The following EXPH5 variants were observed in gnomAD, a reference collection of about 807,000 sequenced individuals.
The protein encoded by EXPH5 is exophilin 5, also known as exophilin-5.
In EXPH5, 42 loss-of-function variants were observed where a neutral mutation model predicts 41.1. That is an observed-to-expected ratio of 1.02 (90% CI 0.80 to 1.32). The LOEUF is 1.32. Among genes scored for constraint, EXPH5 ranks in the 40% most tolerant of loss-of-function variants. The pLI, the probability that EXPH5 is intolerant of heterozygous loss-of-function variation, is 0.00. For synonymous variants in EXPH5, 798 were observed against 833.5 expected (o/e 0.96, Z 0.73); for missense variants, 2,298 against 2,314.5 (o/e 0.99, Z 0.15).
At chr11:108,582,400 A>C (rs1185141383) in intron 1 of EXPH5, among the ~76,000 whole-genome samples, 1 of 151,976 alleles carries the variant, frequency 6.6e-6, no homozygotes, top group Non-Finnish European at 1.5e-5. Flanking sequence ...TGGAAGGCAG[A>C]GGTTGCAGTG....
Position 108,511,940 on chromosome 11 carries a change from A to G in EXPH5, c.3567T>C (p.Thr1189=), listed in dbSNP as rs559634107. The G allele has an allele frequency of 6.2e-7, 1 of 1,600,668 alleles. No individual in the cohort carries two copies. The highest frequency in any genetic ancestry group is 1.4e-5 in the African/African-American group (1 of 73,998). The change falls in exon 6 of 6, where the codon ACT becomes ACC. Residue 1189 remains threonine, a synonymous_variant. Coordinates refer to ENST00000265843, the MANE Select transcript of EXPH5 (RefSeq NM_015065.3). ...QHQKENFQEY[T]EKEGKMAASR... ...AGGCAGCCATTTTACCCTCTTTCTC[A>G]GTGTATTCTTGGAAGTTTTCCTTTT...
intron 1 of EXPH5, among the ~76,000 whole-genome samples, chr11:108,589,506 C>G (rs1408327113): frequency 6.6e-6 from 1 of 152,184 alleles, no homozygotes; most frequent in South Asian, 2.1e-4. Context: ...CTGGAAAACC[C>G]TCCTGGGCTG....
intron 2 of EXPH5, among the ~76,000 whole-genome samples, chr11:108,540,206 C>T (rs896475387): frequency 6.6e-6 from 1 of 152,014 alleles, no homozygotes; most frequent in Non-Finnish European, 1.5e-5. Context: ...GCCTGTAATC[C>T]CAGCTACTCA....
At chr11:108,554,063 CTTTTT>C (rs34487456) in intron 1 of EXPH5, among the ~76,000 whole-genome samples, 1 of 139,142 alleles carries the variant, frequency 7.2e-6, no homozygotes, top group Non-Finnish European at 1.6e-5. Context: ...GGCCCCTGAC[CTTTTT>C]TTTTTTTTTT....
intron 1 of EXPH5, among the ~76,000 whole-genome samples, chr11:108,573,268 G>T (rs538107245): frequency 6.6e-6 from 1 of 152,228 alleles, no homozygotes; most frequent in East Asian, 1.9e-4. Context: ...GAGGGAGAAA[G>T]AAAAGGAGTC....
intron 1 of EXPH5, among the ~76,000 whole-genome samples, chr11:108,576,521 T>G (rs2094080193): frequency 6.6e-6 from 1 of 152,196 alleles, no homozygotes; most frequent in Non-Finnish European, 1.5e-5. Flanking sequence ...TTGTTAGCTT[T>G]AAAGTGGATA....
intron 1 of EXPH5, among the ~76,000 whole-genome samples, chr11:108,550,142 G>A (rs936088340): frequency 6.6e-6 from 1 of 152,226 alleles, no homozygotes; most frequent in Non-Finnish European, 1.5e-5. Context: ...CACTTGCTAA[G>A]ACCAATAGAA....
intron 4 of EXPH5, among the ~76,000 whole-genome samples, chr11:108,523,461 A>T (rs1333834508): frequency 6.6e-6 from 1 of 152,096 alleles, no homozygotes; most frequent in Non-Finnish European, 1.5e-5. Context: ...CTTCAGTTAG[A>T]TGGTAAACTC....
rs759572373 is a variant in EXPH5 at position 108,509,491 on chromosome 11, T to C, written c.*46A>G. ...CATGCACATGTACACCTTAGTTCCA[T>C]TATAAGCTTTTGGTGAAAAAAGTAA... On this transcript the variant is annotated 3_prime_UTR_variant, in exon 6 of 6. Coordinates refer to ENST00000265843, the MANE Select transcript of EXPH5 (RefSeq NM_015065.3). 65 of 1,507,060 alleles carry C rather than the reference T, an allele frequency of 4.3e-5. No homozygotes were observed. The highest frequency in any genetic ancestry group is 5.2e-5 in the Non-Finnish European group (59 of 1,126,094). The allele number at this position is 1,507,060 out of a possible 1,614,324, so 93.4% of individuals were successfully genotyped here.
chr11:108,527,981 A>C (rs769239056), intron 4 of EXPH5, among the ~76,000 whole-genome samples, 155 bp downstream of exon 4: 2 of 152,246 alleles, frequency 1.3e-5, no homozygotes, highest in African/African-American at 4.8e-5. Context: ...GAAGCCAAAT[A>C]TAATTGGGAA....
At chr11:108,525,884 T>G (rs756902295) in intron 4 of EXPH5, among the ~76,000 whole-genome samples, 1 of 151,530 alleles carries the variant, frequency 6.6e-6, no homozygotes, top group Admixed American at 6.6e-5. Flanking sequence ...TTTTTCTTTC[T>G]CTCTCTCCTT....
At chr11:108,589,700 T>G (rs1336047150) in intron 1 of EXPH5, among the ~76,000 whole-genome samples, 1 of 152,232 alleles carries the variant, frequency 6.6e-6, no homozygotes, top group East Asian at 1.9e-4. Context: ...TCAGTTTTCC[T>G]TCTATAAAAA....
Position 108,562,006 on chromosome 11 carries a change from T to C in EXPH5, c.120-20194A>G, listed in dbSNP as rs555917476. Reference sequence around the variant, plus strand: ...GTATTCTGATCAACATTCCGGTTCCTGAGGACTGGCCGTGCAGGGTTGAGG... The same window carrying C: ...GTATTCTGATCAACATTCCGGTTCCCGAGGACTGGCCGTGCAGGGTTGAGG... On this transcript the variant is annotated intron_variant, in intron 1 of 5. Transcript: ENST00000265843. 5.9e-5 allele frequency among the ~76,000 whole-genome samples: 9 copies of C among 152,334 alleles called. No homozygotes were observed. The South Asian group carries it at 6.2e-4, about 11-fold the overall frequency.
At chr11:108,566,688 AAAATAAATAAAT>A (rs377605975) in intron 1 of EXPH5, among the ~76,000 whole-genome samples, 1 of 151,926 alleles carries the variant, frequency 6.6e-6, no homozygotes, top group African/African-American at 2.4e-5. Flanking sequence ...CCCCATCTCT[AAAATAAATAAAT>A]AAATAAATAA....
At chr11:108,519,765 G>GA (rs199768314) in intron 4 of EXPH5, among the ~76,000 whole-genome samples, 4,301 of 147,544 alleles carry the variant, frequency 0.029, 192 homozygotes, top group African/African-American at 0.097. Context: ...AAGAAAAAAA[G>GA]AAAAAAAAAC....
At chr11:108,535,202 C>T (rs1389504575) in intron 3 of EXPH5, among the ~76,000 whole-genome samples, 2 of 152,182 alleles carry the variant, frequency 1.3e-5, no homozygotes, top group African/African-American at 4.8e-5. Context: ...ATAAGTAAAG[C>T]TCCCTGTGCC....
chr11:108,553,929 G>A (rs369832732), intron 1 of EXPH5, among the ~76,000 whole-genome samples: 5 of 152,168 alleles, frequency 3.3e-5, no homozygotes, highest in African/African-American at 9.7e-5. Context: ...CACGTTACAC[G>A]TATTAACTAA....
intron 1 of EXPH5, among the ~76,000 whole-genome samples, chr11:108,578,030 C>A (rs750758913): frequency 6.6e-6 from 1 of 152,126 alleles, no homozygotes; most frequent in Non-Finnish European, 1.5e-5. Flanking sequence ...TGTGGAGAAG[C>A]TTTTTAGCTT....
intron 1 of EXPH5, among the ~76,000 whole-genome samples, chr11:108,554,415 G>C (rs1316774226): frequency 1.3e-5 from 2 of 152,162 alleles, no homozygotes; most frequent in African/African-American, 4.8e-5. Context: ...TTGCACATTT[G>C]TAAAGTGGGG....
Sources: gnomAD v4.1 joint callset for allele counts (sites outside exome capture counted in the v4.1 genomes callset) on GRCh38, gnomAD v4.1.1 for gene constraint, MANE v1.5 for transcripts, NCBI Gene and HGNC (gene_info 2026-07-23, HGNC 2026-07-21) for gene names.